Variants in ANKRD11 observed in about 807,000 individuals in gnomAD.
ANKRD11 encodes the protein ankyrin repeat domain 11.
A neutral mutation model predicts 195.7 loss-of-function variants in ANKRD11; 17 were observed. The ratio of observed to expected loss-of-function variants is 0.09; its 90% CI spans 0.06 to 0.13. The LOEUF (loss-of-function observed/expected upper bound fraction) is 0.13, where lower values mean the gene tolerates loss of function less well. Among genes scored for constraint, ANKRD11 ranks in the 10% least tolerant of loss-of-function variants. The pLI is 1.00. For missense variants in ANKRD11, 3,735 were observed against 3,566.1 expected, an observed-to-expected ratio of 1.05 and a Z score of -1.21; for synonymous variants, 1,953 against 1,528.1, an observed-to-expected ratio of 1.28 and a Z score of -6.49.
chr16:89,296,695 A>G (rs1015228119), intron 4 of ANKRD11, among the ~76,000 whole-genome samples: 2 of 152,248 alleles, frequency 1.3e-5, no homozygotes, highest in South Asian at 2.1e-4. Flanking sequence ...TTCTTCCTCA[A>G]CGTCTTGTAA....
chr16:89,371,961 G>C (rs2152082422), intron 2 of ANKRD11, among the ~76,000 whole-genome samples: 1 of 152,298 alleles, frequency 6.6e-6, no homozygotes, highest in Non-Finnish European at 1.5e-5. Context: ...GAAATCAGCT[G>C]GAAGAAAGAA....
At chr16:89,389,557 T>C (rs888176093) in intron 2 of ANKRD11, among the ~76,000 whole-genome samples, 1 of 152,078 alleles carries the variant, frequency 6.6e-6, no homozygotes. Flanking sequence ...GACACTGGAA[T>C]GAACCTCTAG....
chr16:89,445,250 T>C (rs750160489), intron 1 of ANKRD11, among the ~76,000 whole-genome samples: 2 of 152,254 alleles, frequency 1.3e-5, no homozygotes, highest in Non-Finnish European at 2.9e-5. Context: ...ACCAATGTAT[T>C]AGTAAGGGAA....
intron 2 of ANKRD11, among the ~76,000 whole-genome samples, chr16:89,369,905 T>C (rs1453122814): frequency 6.6e-6 from 1 of 152,202 alleles, no homozygotes; most frequent in Non-Finnish European, 1.5e-5. Context: ...CATCTATGGT[T>C]ATCTCAGAAG....
chr16:89,330,075 C>T (rs1026648500), intron 2 of ANKRD11, among the ~76,000 whole-genome samples: 4 of 151,872 alleles, frequency 2.6e-5, no homozygotes, highest in African/African-American at 9.7e-5. Flanking sequence ...TAAATATAAA[C>T]ATTTTAATAA....
chr16:89,272,569 G>C (rs563010437), intron 11 of ANKRD11: 2 of 152,294 alleles, frequency 1.3e-5, no homozygotes, highest in Admixed American at 1.3e-4. Context: ...AGGTGTGGTG[G>C]TGCGCGCCTG....
chr16:89,332,744 C>T (rs1460504720), intron 2 of ANKRD11, among the ~76,000 whole-genome samples: 1 of 152,228 alleles, frequency 6.6e-6, no homozygotes. Context: ...GGAAAGTGCC[C>T]CGCTGCCCTG....
At chr16:89,441,266 C>T (rs1001030023) in intron 1 of ANKRD11, among the ~76,000 whole-genome samples, 3 of 151,744 alleles carry the variant, frequency 2.0e-5, no homozygotes, top group South Asian at 2.1e-4. Flanking sequence ...GCTATGCATG[C>T]GCTAAAACCC....
At chr16:89,406,341 C>T (rs756674104) in intron 2 of ANKRD11, among the ~76,000 whole-genome samples, 28 of 152,154 alleles carry the variant, frequency 1.8e-4, no homozygotes, top group African/African-American at 2.2e-4. Context: ...ACGGCGGGCA[C>T]GGGAAACCCA....
intron 1 of ANKRD11, among the ~76,000 whole-genome samples, chr16:89,428,524 C>A (rs1344191047): frequency 6.6e-6 from 1 of 151,404 alleles, no homozygotes; most frequent in Non-Finnish European, 1.5e-5. Flanking sequence ...GACTACATCT[C>A]AAAATGAAAG....
chr16:89,460,319 TAA>T (rs2056607428), intron 1 of ANKRD11, among the ~76,000 whole-genome samples: 1 of 151,806 alleles, frequency 6.6e-6, no homozygotes, highest in Non-Finnish European at 1.5e-5. Context: ...ATAAAAATAA[TAA>T]GTGTATCCTA....
Position 89,284,536 on chromosome 16 carries a change from T to C in ANKRD11, c.2006A>G (p.Asp669Gly), listed in dbSNP as rs1597462279. ...YEYEDSKQKSDKAILLENDLS... is the reference protein window; with the variant it reads ...YEYEDSKQKSGKAILLENDLS... ...ATCATTCTCTAACAGTATAGCCTTATCTGACTTCTGCTTGGAGTCCTCATA... is the reference window on the plus strand; with the variant it reads ...ATCATTCTCTAACAGTATAGCCTTACCTGACTTCTGCTTGGAGTCCTCATA... The change falls in exon 9 of 13, where the codon GAT becomes GGT. Residue 669 changes from aspartate (D) to glycine (G), a missense_variant. Asp to Gly is a moderately conservative substitution (Grantham distance 94, BLOSUM62 -1). Transcript: ENST00000301030. The C allele has an allele frequency of 1.2e-6, 2 of 1,614,218 alleles. No individual in the cohort carries two copies. The highest frequency in any genetic ancestry group is 2.2e-5 in the East Asian group (1 of 44,888).
intron 1 of ANKRD11, among the ~76,000 whole-genome samples, chr16:89,487,539 G>A (rs1245029432): frequency 6.6e-6 from 1 of 152,218 alleles, no homozygotes; most frequent in African/African-American, 2.4e-5. Context: ...ACTTTGGGAG[G>A]CCAAGGCAGG....
intron 3 of ANKRD11, among the ~76,000 whole-genome samples, chr16:89,310,984 A>G (rs2036578635): frequency 6.6e-6 from 1 of 152,240 alleles, no homozygotes; most frequent in Admixed American, 6.5e-5. Flanking sequence ...TTTTAGGTGG[A>G]AAGAATTCAG....
chr16:89,333,692 G>A (rs1184214802), intron 2 of ANKRD11, among the ~76,000 whole-genome samples: 12 of 152,204 alleles, frequency 7.9e-5, no homozygotes, highest in East Asian at 1.9e-4. Flanking sequence ...GTAATAGTCT[G>A]TCGTCTGGAT....
chr16:89,371,562 C>T (rs1381416207), intron 2 of ANKRD11, among the ~76,000 whole-genome samples: 1 of 152,184 alleles, frequency 6.6e-6, no homozygotes, highest in African/African-American at 2.4e-5. Context: ...TTCCGCCATG[C>T]TGCAGGAAGG....
chr16:89,398,562 T>TAAA (rs2041562155), intron 2 of ANKRD11, among the ~76,000 whole-genome samples: 7 of 151,882 alleles, frequency 4.6e-5, no homozygotes, highest in Admixed American at 2.6e-4. Context: ...TAAAAAAAAT[T>TAAA]TTTTTTTAAC....
intron 1 of ANKRD11, among the ~76,000 whole-genome samples, chr16:89,463,129 A>T (rs111382651): frequency 1.3e-5 from 2 of 150,558 alleles, no homozygotes. Context: ...CCTACTGGGA[A>T]GTGAGGAGCC....
At chr16:89,422,487 G>A (rs559592848) in intron 1 of ANKRD11, among the ~76,000 whole-genome samples, 18 of 152,264 alleles carry the variant, frequency 1.2e-4, no homozygotes, top group South Asian at 8.3e-4. Context: ...GCATCCTACC[G>A]GACTCCACTA....
Sources: allele counts gnomAD v4.1 joint callset (sites outside exome capture counted in the v4.1 genomes callset), GRCh38; gene constraint gnomAD v4.1.1; transcripts MANE v1.5; gene names NCBI Gene and HGNC (gene_info 2026-07-23, HGNC 2026-07-21).